PTPRN2: variants seen among roughly 807,000 people sequenced by gnomAD.
PTPRN2 encodes receptor-type tyrosine-protein phosphatase N2.
Under a neutral mutation model 118.8 loss-of-function variants are expected in PTPRN2, and 74 were observed. That is an observed-to-expected ratio of 0.62 (90% CI 0.52 to 0.76). The LOEUF (loss-of-function observed/expected upper bound fraction) is 0.76. Among genes scored for constraint, PTPRN2 ranks in the 30% least tolerant of loss-of-function variants. The pLI is 0.00. For synonymous variants in PTPRN2, 641 were observed against 608.0 expected, an observed-to-expected ratio of 1.05 and a Z score of -0.80; for missense variants, 1,481 against 1,394.4, an observed-to-expected ratio of 1.06 and a Z score of -0.99.
At chr7:158,016,768 CA>C (rs1806489622) in intron 11 of PTPRN2, among the ~76,000 whole-genome samples, 1 of 152,106 alleles carries the variant, frequency 6.6e-6, no homozygotes, top group South Asian at 2.1e-4. Flanking sequence ...CCGTGTTTAC[CA>C]ATTAGGTTTT....
At chr7:158,249,979 G>A (rs968573737) in intron 3 of PTPRN2, among the ~76,000 whole-genome samples, 7 of 152,014 alleles carry the variant, frequency 4.6e-5, no homozygotes, top group African/African-American at 2.4e-5. Flanking sequence ...ACACACACAC[G>A]AGTTTCCCAC....
intron 10 of PTPRN2, among the ~76,000 whole-genome samples, chr7:158,106,894 TA>T (rs1815734436): frequency 1.3e-5 from 2 of 152,180 alleles, no homozygotes; most frequent in Non-Finnish European, 2.9e-5. Flanking sequence ...TCCTTCAGCA[TA>T]AAGAGGAAGA....
chr7:157,976,299 T>G (rs1238875032), intron 11 of PTPRN2, among the ~76,000 whole-genome samples: 2 of 152,330 alleles, frequency 1.3e-5, no homozygotes, highest in East Asian at 3.9e-4. Context: ...GCAGCCGAGT[T>G]CCAGCAGAGT....
intron 11 of PTPRN2, among the ~76,000 whole-genome samples, chr7:157,917,465 A>G (rs984963744): frequency 5.9e-5 from 9 of 152,292 alleles, no homozygotes; most frequent in Middle Eastern, 3.4e-3. Flanking sequence ...TCTCCTGTGG[A>G]TTCTGCCGGG....
intron 11 of PTPRN2, among the ~76,000 whole-genome samples, chr7:157,935,805 CTCA>C (rs1799662029): frequency 6.6e-6 from 1 of 151,060 alleles, no homozygotes; most frequent in African/African-American, 2.4e-5. Context: ...TCTAGCCATC[CTCA>C]GCATCTGTGT....
intron 6 of PTPRN2, among the ~76,000 whole-genome samples, chr7:158,142,273 C>T (rs1005411318): frequency 1.2e-4 from 19 of 152,186 alleles, no homozygotes; most frequent in African/African-American, 3.6e-4. Flanking sequence ...GGGGCAAGGA[C>T]CAGACACGGG....
At chr7:157,599,370 G>GC (rs1801532640) in intron 16 of PTPRN2, among the ~76,000 whole-genome samples, 1 of 152,218 alleles carries the variant, frequency 6.6e-6, no homozygotes, top group South Asian at 2.1e-4. Context: ...TCCCTTGGTT[G>GC]ACTGATTCTT....
intron 3 of PTPRN2, among the ~76,000 whole-genome samples, chr7:158,219,596 CA>C (rs373724581): frequency 3.9e-4 from 59 of 151,758 alleles, no homozygotes; most frequent in Middle Eastern, 3.4e-3. Context: ...AATTGGGACA[CA>C]AAAACACAAA....
chr7:158,473,376 T>G (rs1820010781), intron 2 of PTPRN2, among the ~76,000 whole-genome samples: 1 of 152,234 alleles, frequency 6.6e-6, no homozygotes, highest in Admixed American at 6.5e-5. Flanking sequence ...TAAACCCCTC[T>G]GACGAGCTGT....
At chr7:157,982,875 C>A (rs921743078) in intron 11 of PTPRN2, among the ~76,000 whole-genome samples, 1 of 146,726 alleles carries the variant, frequency 6.8e-6, no homozygotes, top group African/African-American at 2.5e-5. Flanking sequence ...TACCGGGTTC[C>A]CCCCTAAACC....
chr7:158,272,451 G>A (rs1798576759), intron 3 of PTPRN2, among the ~76,000 whole-genome samples: 1 of 152,334 alleles, frequency 6.6e-6, no homozygotes, highest in Non-Finnish European at 1.5e-5. Flanking sequence ...CCTTCAATTA[G>A]AGTCCTGAAT....
intron 10 of PTPRN2, among the ~76,000 whole-genome samples, chr7:158,086,167 G>T (rs1447122628): frequency 6.6e-6 from 1 of 152,132 alleles, no homozygotes; most frequent in African/African-American, 2.4e-5. Flanking sequence ...AAATTCCAGG[G>T]GCCAATTTTC....
intron 12 of PTPRN2, among the ~76,000 whole-genome samples, chr7:157,856,687 T>C (rs1809735678): frequency 6.6e-6 from 1 of 152,276 alleles, no homozygotes; most frequent in Non-Finnish European, 1.5e-5. Context: ...TCTTGCACAC[T>C]GAGCTTCAGG....
intron 2 of PTPRN2, among the ~76,000 whole-genome samples, chr7:158,459,209 A>G (rs1283604713): frequency 1.0e-5 from 1 of 95,808 alleles, no homozygotes; most frequent in Non-Finnish European, 2.2e-5. Context: ...ACAAGCACAC[A>G]TGCATGCTGC....
chr7:158,244,415 CTGTAGACAG>C (rs1796067807), intron 3 of PTPRN2, among the ~76,000 whole-genome samples: 1 of 152,236 alleles, frequency 6.6e-6, no homozygotes. Flanking sequence ...CACAGAGTGT[CTGTAGACAG>C]TGAGCTGTGT....
chr7:158,276,377 C>T (rs1203425670), intron 3 of PTPRN2, among the ~76,000 whole-genome samples: 4 of 25,254 alleles, frequency 1.6e-4, no homozygotes, highest in Admixed American at 7.4e-4. Context: ...CCCCACACCC[C>T]GGCCCCAACA....
intron 2 of PTPRN2, among the ~76,000 whole-genome samples, chr7:158,477,229 C>T (rs902165686): frequency 2.0e-5 from 3 of 152,092 alleles, no homozygotes; most frequent in East Asian, 1.9e-4. Context: ...TTAGATGGTC[C>T]GGTTCATTAC....
intron 3 of PTPRN2, among the ~76,000 whole-genome samples, chr7:158,235,172 G>T (rs1829451858): frequency 1.3e-5 from 2 of 152,206 alleles, no homozygotes; most frequent in Admixed American, 1.3e-4. Flanking sequence ...CCACTATAGA[G>T]AATAGTATGG....
At chr7:158,258,283 C>T (rs1797161229) in intron 3 of PTPRN2, among the ~76,000 whole-genome samples, 1 of 152,224 alleles carries the variant, frequency 6.6e-6, no homozygotes, top group Admixed American at 6.5e-5. Flanking sequence ...CCGCTGACGC[C>T]TCCCCCGGCA....
Sources: gnomAD v4.1 joint callset for allele counts (sites outside exome capture counted in the v4.1 genomes callset) on GRCh38, gnomAD v4.1.1 for gene constraint, MANE v1.5 for transcripts, NCBI Gene and HGNC (gene_info 2026-07-23, HGNC 2026-07-21) for gene names.